MAP3K9: variants seen among roughly 807,000 people sequenced by gnomAD.
MAP3K9 encodes mitogen-activated protein kinase kinase kinase 9.
MAP3K9 carries 46 observed loss-of-function variants against 95.8 expected under a neutral mutation model. The ratio of observed to expected loss-of-function variants is 0.48; its 90% confidence interval spans 0.38 to 0.61. MAP3K9 has a LOEUF of 0.61. Ranked by LOEUF, MAP3K9 falls within the 20% of genes least tolerant of loss-of-function variation. The pLI is 0.00. For missense variants in MAP3K9, 1,296 were observed against 1,474.3 expected, an observed-to-expected ratio of 0.88 and a Z score of 1.98; for synonymous variants, 533 against 593.8, an observed-to-expected ratio of 0.90 and a Z score of 1.49.
At chr14:70,731,731 T>C (rs1035745869) in intron 11 of MAP3K9, among the ~76,000 whole-genome samples, 2 of 151,976 alleles carry the variant, frequency 1.3e-5, no homozygotes, top group Non-Finnish European at 2.9e-5. Flanking sequence ...CCCAAAGAGG[T>C]CACATATCTG....
At position 70,742,911 on chromosome 14, in the gene MAP3K9, T is replaced by TTA. The variant is rs3081458; in HGVS notation, c.1327-322_1327-321dup. Among the ~76,000 whole-genome samples, 1,085 of 143,078 alleles carry TTA rather than the reference T, an allele frequency of 7.6e-3. 8 individuals carry two copies. Among genetic ancestry groups the TTA allele is most frequent in the South Asian group, 0.011 (48 of 4,558 alleles). The allele number at this position is 143,078 out of a possible 152,430, so 93.9% of individuals were successfully genotyped here. On this transcript the variant is annotated intron_variant, in intron 5 of 11. Transcript: ENST00000554752. ...AAAATTGCCTGTGATTTATATATAT[T>TTA]TATATATATATATATATATATATAT...
intron 3 of MAP3K9, among the ~76,000 whole-genome samples, chr14:70,755,019 CAGG>C (rs1363474889): frequency 6.6e-6 from 1 of 152,162 alleles, no homozygotes. Context: ...ACAACATTTG[CAGG>C]AGAACTTTAG....
At chr14:70,764,443 G>T (rs1023557141) in intron 2 of MAP3K9, among the ~76,000 whole-genome samples, 1 of 134,260 alleles carries the variant, frequency 7.4e-6, no homozygotes, top group Non-Finnish European at 1.6e-5. Flanking sequence ...AACAAAAAAT[G>T]TATGTTAAAA....
intron 3 of MAP3K9, among the ~76,000 whole-genome samples, chr14:70,760,717 G>A (rs964928608): frequency 1.3e-5 from 2 of 152,132 alleles, no homozygotes; most frequent in African/African-American, 4.8e-5. Context: ...ACAGCGTAGA[G>A]ATGGGAGTAC....
At chr14:70,796,903 G>A (rs558601263) in intron 2 of MAP3K9, among the ~76,000 whole-genome samples, 2 of 152,314 alleles carry the variant, frequency 1.3e-5, no homozygotes, top group South Asian at 4.1e-4. Flanking sequence ...ACAAGTCAGT[G>A]TAGACCTTGT....
At chr14:70,783,823 C>T (rs755561694) in intron 2 of MAP3K9, among the ~76,000 whole-genome samples, 1 of 152,244 alleles carries the variant, frequency 6.6e-6, no homozygotes, top group Admixed American at 6.5e-5. Context: ...CTACACAGAG[C>T]TGAAAGACGT....
intron 2 of MAP3K9, among the ~76,000 whole-genome samples, chr14:70,765,015 A>T (rs4902849): frequency 0.31 from 47,772 of 152,106 alleles, 7,677 homozygotes; most frequent in Admixed American, 0.35. Context: ...GTAAGCTAAG[A>T]TTAATTTATT....
chr14:70,773,323 A>G (rs1355282907), intron 2 of MAP3K9, among the ~76,000 whole-genome samples: 3 of 152,246 alleles, frequency 2.0e-5, no homozygotes, highest in Non-Finnish European at 4.4e-5. Context: ...CAGAGTCAGC[A>G]GCAGAAAGAG....
rs1295575368 is a variant in MAP3K9 at position 70,725,180 on chromosome 14, A to G, written c.*5200T>C. 1 of 152,366 alleles carries G rather than the reference A, an allele frequency of 6.6e-6. No homozygotes were observed. The highest frequency in any genetic ancestry group is 1.5e-5 in the Non-Finnish European group (1 of 68,166). The allele number at this position is 152,366 out of a possible 1,614,324, so 9.4% of individuals were successfully genotyped here. On this transcript the variant is annotated 3_prime_UTR_variant, in exon 12 of 12. Coordinates refer to ENST00000554752, the MANE Select transcript of MAP3K9 (RefSeq NM_001284230.2). Reference sequence around the variant, plus strand: ...GGCTCCCCGTAGGGGATGGGGAACCACAGACAGTAAGAATCAGGAAGGACC... The same window carrying G: ...GGCTCCCCGTAGGGGATGGGGAACCGCAGACAGTAAGAATCAGGAAGGACC...
At chr14:70,758,482 A>C (rs530042950) in intron 3 of MAP3K9, among the ~76,000 whole-genome samples, 22 of 152,332 alleles carry the variant, frequency 1.4e-4, no homozygotes, top group Admixed American at 6.5e-5. Context: ...ATGATGAAAA[A>C]GTTTGGTGGT....
In MAP3K9 at chr14:70,726,795, A is replaced by G. The variant is rs1423070080; in HGVS notation, c.*3585T>C. 1 of 152,286 alleles carries G rather than the reference A, an allele frequency of 6.6e-6. No individual in the cohort carries two copies. Among genetic ancestry groups the G allele is most frequent in the Non-Finnish European group, 1.5e-5 (1 of 68,062 alleles). The allele number at this position is 152,286 out of a possible 1,614,324, so 9.4% of individuals were successfully genotyped here. ...TCTCAACTTCAGCGATTCATCCTGTATAGATGAAAGAAGCTTCCTCTAGGA... is the reference window on the plus strand; with the variant it reads ...TCTCAACTTCAGCGATTCATCCTGTGTAGATGAAAGAAGCTTCCTCTAGGA... On this transcript the variant is annotated 3_prime_UTR_variant, in exon 12 of 12. Transcript: ENST00000554752.
At chr14:70,762,829 G>A (rs979206062) in intron 2 of MAP3K9, among the ~76,000 whole-genome samples, 27 of 152,264 alleles carry the variant, frequency 1.8e-4, no homozygotes, top group Admixed American at 6.5e-4. Context: ...AGATCATGAA[G>A]ATTTAATTCT....
Position 70,730,550 on chromosome 14 carries a change from G to A in MAP3K9, c.3145C>T (p.Leu1049Phe), listed in dbSNP as rs1483868100. 6.2e-7 allele frequency: 1 copy of A among 1,614,026 alleles called. No homozygotes were observed. The highest frequency in any genetic ancestry group is 1.7e-5 in the Admixed American group (1 of 60,034). ...GCCTGGAACGGGAGCAGGGCTGGAAGTCCAGGCCGCTCCTCTACAGTGCTG... is the reference window on the plus strand; with the variant it reads ...GCCTGGAACGGGAGCAGGGCTGGAAATCCAGGCCGCTCCTCTACAGTGCTG... ...SSSTVEERPG[L>F]PALLPFQAGP... is the part of the protein sequence containing the mutation. The change falls in exon 12 of 12, where the codon CTT (leucine) becomes TTT (phenylalanine). Residue 1049 changes from leucine to phenylalanine, a missense_variant. Coordinates refer to ENST00000554752, the MANE Select transcript of MAP3K9 (RefSeq NM_001284230.2).
At chr14:70,752,555 C>A (rs898171339) in intron 3 of MAP3K9, among the ~76,000 whole-genome samples, 16 of 152,122 alleles carry the variant, frequency 1.1e-4, no homozygotes, top group Non-Finnish European at 2.2e-4. Context: ...ACCAAGTGAC[C>A]TCCAGGAACT....
chr14:70,738,295 C>A lies in MAP3K9; in HGVS notation c.1794G>T (p.Thr598=), dbSNP rs146227942. The A allele has an allele frequency of 2.5e-6, 4 of 1,613,826 alleles. No homozygotes were observed. In the African/African-American group the frequency reaches 4.0e-5, roughly 16 times the overall value. The change falls in exon 8 of 12, where the codon ACG becomes ACT. Residue 598 remains threonine (T), a synonymous_variant. Coordinates refer to ENST00000554752, the MANE Select transcript of MAP3K9 (RefSeq NM_001284230.2). ...EKRAPKKKGR[T]WGPGTLGQKE... ...TCTGACCAAGCGTCCCTGGCCCCCA[C>A]GTCCGTCCCTTCTTCTTTGGGGCCC...
At position 70,727,285 on chromosome 14, in the gene MAP3K9, C is replaced by G. The variant is rs2053831928; in HGVS notation, c.*3095G>C. The G allele has an allele frequency of 2.6e-5, 4 of 152,310 alleles. No homozygotes were observed. The highest frequency in any genetic ancestry group is 3.4e-3 in the Middle Eastern group (1 of 294). 9.4% of individuals were successfully genotyped at this position (152,310 alleles called of 1,614,324 possible). A position where few individuals can be genotyped will look rare whatever the true frequency, so the allele number is the denominator to read the frequency against. On this transcript the variant is annotated 3_prime_UTR_variant, in exon 12 of 12. Coordinates refer to ENST00000554752, the MANE Select transcript of MAP3K9 (RefSeq NM_001284230.2). ...CCTCTCAGAAATAACATACAGATAA[C>G]TGAGGTATCTACTCAGCCTCCTGGC...
chr14:70,735,794 T>C lies in MAP3K9; in HGVS notation c.1913+167A>G, dbSNP rs551078130. 3.9e-5 allele frequency among the ~76,000 whole-genome samples: 6 copies of C among 152,234 alleles called. No homozygotes were observed. The East Asian group carries it at 1.2e-3, about 29-fold the overall frequency. Reference sequence around the variant, plus strand: ...GTAAAATTAGATCAACACAGGAATTTTCCCAAGGTGCACAATGGTACTGCT... The same window carrying C: ...GTAAAATTAGATCAACACAGGAATTCTCCCAAGGTGCACAATGGTACTGCT... On this transcript the variant is annotated intron_variant, in intron 9 of 11. Transcript: ENST00000554752.
intron 2 of MAP3K9, among the ~76,000 whole-genome samples, chr14:70,789,153 G>A (rs1295747085): frequency 1.3e-5 from 2 of 152,282 alleles, no homozygotes; most frequent in African/African-American, 2.4e-5. Flanking sequence ...CAAGCACTTC[G>A]AGTTAAGGCT....
intron 2 of MAP3K9, among the ~76,000 whole-genome samples, chr14:70,789,938 GA>G (rs1455413284): frequency 6.6e-6 from 1 of 152,166 alleles, no homozygotes; most frequent in Admixed American, 6.5e-5. Flanking sequence ...GCCCCACCTG[GA>G]AAAGCCCTAT....
Sources: allele counts gnomAD v4.1 joint callset (sites outside exome capture counted in the v4.1 genomes callset), GRCh38; gene constraint gnomAD v4.1.1; transcripts MANE v1.5; gene names NCBI Gene and HGNC (gene_info 2026-07-23, HGNC 2026-07-21).